The following ZNF277 variants were observed in gnomAD, a reference collection of about 807,000 sequenced individuals.
The protein encoded by ZNF277 is zinc finger protein 277.
A neutral mutation model predicts 60.7 loss-of-function variants in ZNF277; 55 were observed. The observed-to-expected ratio is 0.91, with a 90% CI of 0.73 to 1.13. ZNF277 has a LOEUF of 1.13. Among genes scored for constraint, ZNF277 ranks in the 50% most tolerant of loss-of-function variants. The probability of loss-of-function intolerance (pLI) is 0.00; values close to 1 mark genes in which losing one functional copy is unlikely to be tolerated. For missense variants in ZNF277, 510 were observed against 523.0 expected (o/e 0.98, Z 0.24); for synonymous variants, 178 against 179.3 (o/e 0.99, Z 0.06).
At chr7:112,293,280 T>TA (rs1343777321) in intron 2 of ZNF277, among the ~76,000 whole-genome samples, 6 of 151,752 alleles carry the variant, frequency 4.0e-5, no homozygotes, top group Admixed American at 6.6e-5. Context: ...ATTGTCCATT[T>TA]AAAAAAAAGT....
At chr7:112,258,270 C>A (rs1791368951) in intron 1 of ZNF277, among the ~76,000 whole-genome samples, 1 of 151,700 alleles carries the variant, frequency 6.6e-6, no homozygotes, top group Admixed American at 6.6e-5. Context: ...TATACAGAAG[C>A]CTTTTTTTTT....
At chr7:112,226,217 A>G (rs1489500163) in intron 1 of ZNF277, among the ~76,000 whole-genome samples, 2 of 152,194 alleles carry the variant, frequency 1.3e-5, no homozygotes, top group African/African-American at 4.8e-5. Context: ...AATAGTAATC[A>G]CTGTCGTTCA....
intron 4 of ZNF277, among the ~76,000 whole-genome samples, chr7:112,306,143 C>T (rs1165137454): frequency 4.0e-5 from 6 of 151,464 alleles, no homozygotes; most frequent in Non-Finnish European, 5.9e-5. Flanking sequence ...AACTTTAATC[C>T]TAAATTCTAA....
rs754816492 is a variant in ZNF277 at position 112,243,495 on chromosome 7, AC to A, written c.91+36689del. 1.9e-4 allele frequency among the ~76,000 whole-genome samples: 28 copies of A among 151,194 alleles called. No homozygotes were observed. In the East Asian group the frequency reaches 4.6e-3, roughly 25 times the overall value. On this transcript the variant is annotated intron_variant, in intron 1 of 11. Transcript: ENST00000361822. ...AACAACTAAACAAGAAAAAAAAAAAACAACCCCATTAAAAAAGCAGACAAAG... is the reference window on the plus strand; with the variant it reads ...AACAACTAAACAAGAAAAAAAAAAAAAACCCCATTAAAAAAGCAGACAAAG...
chr7:112,208,535 C>A (rs1821639941), intron 1 of ZNF277, among the ~76,000 whole-genome samples: 1 of 150,600 alleles, frequency 6.6e-6, no homozygotes, highest in Non-Finnish European at 1.5e-5. Context: ...CACAGCACCA[C>A]TCCCCGAGTA....
intron 1 of ZNF277, among the ~76,000 whole-genome samples, chr7:112,283,392 A>G (rs2117056042): frequency 1.3e-5 from 2 of 152,250 alleles, no homozygotes; most frequent in Middle Eastern, 6.8e-3. Flanking sequence ...GTGTAGTGGC[A>G]GGCACCTGTA....
intron 1 of ZNF277, among the ~76,000 whole-genome samples, chr7:112,218,393 G>C (rs1473358593): frequency 6.6e-6 from 1 of 152,174 alleles, no homozygotes; most frequent in Non-Finnish European, 1.5e-5. Context: ...TGTACAGCAT[G>C]ATGTTTTGAT....
At position 112,300,236 on chromosome 7, in the gene ZNF277, TTGTATG is replaced by T. The variant is rs534002954; in HGVS notation, c.465+3929_465+3934del. The stretch of plus-strand genomic sequence containing the variant: ...ACTGGTTTCTTGACATTTGCAAGAT[TTGTATG>T]TGTTCCCAGTTTTCTTTTTGAAGAG... On this transcript the variant is annotated intron_variant, in intron 4 of 11. Transcript: ENST00000361822. Among the ~76,000 whole-genome samples, 671 of 152,330 alleles carry T rather than the reference TTGTATG, an allele frequency of 4.4e-3. 2 individuals are homozygous for T. Among genetic ancestry groups the T allele is most frequent in the African/African-American group, 0.015 (637 of 41,574 alleles).
intron 1 of ZNF277, among the ~76,000 whole-genome samples, chr7:112,238,019 C>A (rs555043813): frequency 6.6e-6 from 1 of 152,258 alleles, no homozygotes; most frequent in African/African-American, 2.4e-5. Flanking sequence ...TGAATAGACC[C>A]CTCCAGCAAT....
rs548455346 is a variant in ZNF277 at position 112,258,156 on chromosome 7, C to T, written c.92-28717C>T. ...AAATATATCAGTGAGGTAAATTTGG[C>T]GTGAGAGTTGCCAGTTTGTAGGTCC... On this transcript the variant is annotated intron_variant, in intron 1 of 11. Coordinates refer to ENST00000361822, the MANE Select transcript of ZNF277 (RefSeq NM_021994.3). Among the ~76,000 whole-genome samples, 17 of 152,022 alleles carry T rather than the reference C, an allele frequency of 1.1e-4. 1 individual carries two copies. In the South Asian group the frequency reaches 3.3e-3, roughly 30 times the overall value.
intron 1 of ZNF277, among the ~76,000 whole-genome samples, chr7:112,211,361 C>A (rs1412167811): frequency 6.6e-6 from 1 of 152,234 alleles, no homozygotes; most frequent in Non-Finnish European, 1.5e-5. Context: ...CCTGTTCCCT[C>A]TATTCATAGC....
chr7:112,310,967 A>G (rs1792718561), intron 4 of ZNF277, among the ~76,000 whole-genome samples: 1 of 152,194 alleles, frequency 6.6e-6, no homozygotes, highest in South Asian at 2.1e-4. Context: ...AGCTAATAAC[A>G]TCCATCTTGG....
intron 1 of ZNF277, among the ~76,000 whole-genome samples, chr7:112,222,476 T>C (rs1445005366): frequency 1.3e-5 from 2 of 152,232 alleles, no homozygotes; most frequent in Non-Finnish European, 2.9e-5. Context: ...TGCCATATAA[T>C]TGCTCATAGT....
chr7:112,337,875 A>G (rs1207038522), intron 9 of ZNF277, 49 bp downstream of exon 9: 3 of 1,495,972 alleles, frequency 2.0e-6, no homozygotes, highest in Non-Finnish European at 2.8e-6. Flanking sequence ...GACAGGGGAA[A>G]GCTAGTAATT....
chr7:112,296,549 A>G (rs768266675), intron 4 of ZNF277, among the ~76,000 whole-genome samples: 6 of 152,068 alleles, frequency 3.9e-5, no homozygotes, highest in Non-Finnish European at 7.4e-5. Context: ...TTCCTGGATT[A>G]TCTCTAAAAT....
chr7:112,286,769 C>G, intron 1 of ZNF277, 104 bp from the exon 2 acceptor site: 1 of 953,288 alleles, frequency 1.0e-6, no homozygotes, highest in Non-Finnish European at 1.5e-6. Context: ...ATGTAAATAT[C>G]TTTAGGATCT....
chr7:112,318,167 G>A lies in ZNF277; in HGVS notation c.466-15G>A, dbSNP rs1298157115. The A allele has an allele frequency of 3.1e-6, 5 of 1,603,250 alleles. No individual in the cohort carries two copies. The East Asian group carries it at 8.9e-5, about 29-fold the overall frequency. On this transcript the variant is annotated splice_polypyrimidine_tract_variant and intron_variant, in intron 4 of 11. Transcript: ENST00000361822. ...TGCATTAAGATAATACCATAAATCT[G>A]TTTCTACTTTCCAGAGAGAAATTCT...
intron 5 of ZNF277, among the ~76,000 whole-genome samples, chr7:112,320,487 G>T (rs754921002): frequency 3.9e-5 from 6 of 152,048 alleles, no homozygotes; most frequent in Non-Finnish European, 7.4e-5. Flanking sequence ...GCATACATTT[G>T]TGTACGCCTT....
At chr7:112,239,131 G>C (rs971556282) in intron 1 of ZNF277, among the ~76,000 whole-genome samples, 6 of 152,080 alleles carry the variant, frequency 3.9e-5, no homozygotes, top group African/African-American at 1.4e-4. Context: ...CCCAGCTATG[G>C]TGTCCACAGA....
Sources: gnomAD v4.1 joint callset for allele counts (sites outside exome capture counted in the v4.1 genomes callset) on GRCh38, gnomAD v4.1.1 for gene constraint, MANE v1.5 for transcripts, NCBI Gene and HGNC (gene_info 2026-07-23, HGNC 2026-07-21) for gene names.